ATE1: variants seen among roughly 807,000 people sequenced by gnomAD.
ATE1 encodes the protein arginyltransferase 1, also known as arginyl-tRNA--protein transferase 1.
Under a neutral mutation model 70.5 loss-of-function variants are expected in ATE1, and 36 were observed. That is an observed-to-expected ratio of 0.51 (90% CI 0.39 to 0.67). The LOEUF is 0.67. ATE1 is among the 30% of genes least tolerant of loss of function. The pLI is 0.00. For synonymous variants in ATE1, 232 were observed against 219.3 expected (o/e 1.06, Z -0.51); for missense variants, 593 against 629.5 (o/e 0.94, Z 0.62).
intron 8 of ATE1, chr10:121,846,597 T>TG (rs1590471026): frequency 6.6e-6 from 1 of 152,204 alleles, no homozygotes; most frequent in Non-Finnish European, 1.5e-5. Flanking sequence ...AAATGCTGTT[T>TG]GGGGCTGGTC....
rs59203519 is a variant in ATE1, at chr10:121,918,747, A to G, written c.233+3602T>C. Among the ~76,000 whole-genome samples, 1,271 of 132,006 alleles carry G rather than the reference A, an allele frequency of 9.6e-3. 20 individuals carry two copies. Among genetic ancestry groups the G allele is most frequent in the East Asian group, 0.061 (239 of 3,948 alleles). 86.6% of individuals were successfully genotyped at this position (132,006 alleles called of 152,430 possible). ...TTGTGTAATGACACAGTGTCAGCAA[A>G]CCAGACCCCATTTTTCTCATCCTCT... On this transcript the variant is annotated intron_variant, in intron 3 of 11. Coordinates refer to ENST00000224652, the MANE Select transcript of ATE1 (RefSeq NM_001001976.3).
At chr10:121,752,552 G>A (rs1944632072) in intron 11 of ATE1, among the ~76,000 whole-genome samples, 1 of 152,098 alleles carries the variant, frequency 6.6e-6, no homozygotes. Flanking sequence ...TATAGTTTTA[G>A]CTCTTACATT....
chr10:121,790,422 T>A, intron 10 of ATE1, 133 bp from the exon 11 acceptor site: 1 of 1,144,020 alleles, frequency 8.7e-7, no homozygotes, highest in Non-Finnish European at 1.2e-6. Flanking sequence ...CTGTAAATAC[T>A]AAGCAACCCT....
intron 9 of ATE1, among the ~76,000 whole-genome samples, chr10:121,839,490 G>A (rs921615541): frequency 1.3e-5 from 2 of 152,038 alleles, no homozygotes; most frequent in Non-Finnish European, 2.9e-5. Context: ...ACTGATTTAG[G>A]TACAAAGAAA....
intron 10 of ATE1, among the ~76,000 whole-genome samples, chr10:121,835,366 G>A (rs903798464): frequency 1.3e-5 from 2 of 151,452 alleles, no homozygotes; most frequent in East Asian, 1.9e-4. Flanking sequence ...TTCTGAAATC[G>A]AACCATCTCC....
At position 121,911,011 on chromosome 10, in the gene ATE1, T is replaced by C. The variant is rs368655874; in HGVS notation, c.478A>G (p.Lys160Glu). The part of the protein sequence containing the change: ...SLESEGKNSK[K>E]EEPQELLQSQ... Reference sequence around the variant, plus strand: ...TGAAGTAATTCCTGAGGTTCTTCTTTCTTTGAATTTTTTCCTTCACTCTCT... The same window carrying C: ...TGAAGTAATTCCTGAGGTTCTTCTTCCTTTGAATTTTTTCCTTCACTCTCT... The change falls in exon 5 of 12, where the codon AAA becomes GAA. Residue 160 changes from lysine (K) to glutamate (E), a missense_variant. Lys to Glu is a moderately conservative substitution (Grantham distance 56). Around this residue, in one of 3 missense-constraint regions of ATE1, gnomAD observed 467 missense variants for 469.6 expected, o/e 0.99. Transcript: ENST00000224652. 1 of 1,614,046 alleles carries C rather than the reference T, an allele frequency of 6.2e-7. No homozygotes were observed. Among genetic ancestry groups the C allele is most frequent in the South Asian group, 1.1e-5 (1 of 91,020 alleles).
intron 10 of ATE1, among the ~76,000 whole-genome samples, chr10:121,831,886 TAC>T (rs1196192698): frequency 1.3e-5 from 2 of 152,218 alleles, no homozygotes; most frequent in South Asian, 2.1e-4. Flanking sequence ...TCTAAAGATC[TAC>T]AGTCACAGTA....
At chr10:121,811,951 C>CTTTTTTTTTTTTTTTTTTTTTTTTT (rs71022870) in intron 10 of ATE1, among the ~76,000 whole-genome samples, 1 of 74,746 alleles carries the variant, frequency 1.3e-5, no homozygotes. Context: ...ATTCCAAATT[C>CTTTTTTTTTTTTTTTTTTTTTTTTT]TTTTTTTTTT....
chr10:121,863,312 G>A (rs1949542890), intron 8 of ATE1, among the ~76,000 whole-genome samples: 1 of 144,038 alleles, frequency 6.9e-6, no homozygotes, highest in South Asian at 2.2e-4. Flanking sequence ...GGAGTGCAGT[G>A]GCACGATCTT....
intron 3 of ATE1, among the ~76,000 whole-genome samples, chr10:121,919,016 ATAAAATGGACCAATCAGCACTCTG>A (rs776206711): frequency 0.024 from 3,580 of 152,000 alleles, 55 homozygotes; most frequent in Middle Eastern, 0.061. Context: ...TCAGCACTCT[ATAAAATGGACCAATCAGCACTCTG>A]TAAAATGGAC....
chr10:121,908,945 C>A (rs371656251), intron 5 of ATE1, among the ~76,000 whole-genome samples: 1 of 152,148 alleles, frequency 6.6e-6, no homozygotes, highest in Non-Finnish European at 1.5e-5. Context: ...AGACAAACAA[C>A]CCAGTTGAGG....
At chr10:121,891,792 A>T (rs1383191776) in intron 7 of ATE1, among the ~76,000 whole-genome samples, 1 of 152,206 alleles carries the variant, frequency 6.6e-6, no homozygotes, top group African/African-American at 2.4e-5. Flanking sequence ...TCAAATAGGC[A>T]TATTAACTGT....
At chr10:121,921,310 A>G (rs1443755590) in intron 3 of ATE1, among the ~76,000 whole-genome samples, 1 of 151,840 alleles carries the variant, frequency 6.6e-6, no homozygotes, top group Non-Finnish European at 1.5e-5. Flanking sequence ...CTTATAAGTG[A>G]GTGAGGTGGG....
chr10:121,760,461 T>C (rs139113663), intron 11 of ATE1, among the ~76,000 whole-genome samples: 7 of 152,262 alleles, frequency 4.6e-5, no homozygotes, highest in African/African-American at 1.4e-4. Flanking sequence ...CATGGATGAT[T>C]TGGAGGGGTT....
chr10:121,817,226 A>G (rs1947578893), intron 10 of ATE1, among the ~76,000 whole-genome samples: 1 of 152,198 alleles, frequency 6.6e-6, no homozygotes, highest in African/African-American at 2.4e-5. Flanking sequence ...ATTTACCATA[A>G]ATCAGAGATT....
At chr10:121,789,858 A>C (rs1198363071) in intron 11 of ATE1, among the ~76,000 whole-genome samples, 1 of 152,206 alleles carries the variant, frequency 6.6e-6, no homozygotes, top group African/African-American at 2.4e-5. Context: ...GACAATTTTT[A>C]GGCACCGTGA....
intron 4 of ATE1, among the ~76,000 whole-genome samples, chr10:121,911,451 A>C (rs1951424419): frequency 1.3e-5 from 2 of 150,706 alleles, no homozygotes; most frequent in South Asian, 2.1e-4. Context: ...TTAAAAAAAA[A>C]AAAAAAAAAC....
intron 6 of ATE1, among the ~76,000 whole-genome samples, chr10:121,901,639 A>G (rs1177895584): frequency 1.3e-5 from 2 of 152,200 alleles, no homozygotes; most frequent in Middle Eastern, 3.4e-3. Flanking sequence ...ATATTTTAGT[A>G]GAGACGGGGT....
At chr10:121,822,052 A>G (rs926740427) in intron 10 of ATE1, among the ~76,000 whole-genome samples, 3 of 152,194 alleles carry the variant, frequency 2.0e-5, no homozygotes, top group South Asian at 2.1e-4. Context: ...CCACATCTCT[A>G]TTCATCAGGA....
Sources: allele counts gnomAD v4.1 joint callset (sites outside exome capture counted in the v4.1 genomes callset), GRCh38; gene constraint gnomAD v4.1.1; regional missense constraint gnomAD v4.1.1; transcripts MANE v1.5; gene names NCBI Gene and HGNC (gene_info 2026-07-23, HGNC 2026-07-21).